AFF3: variants seen among roughly 807,000 people sequenced by gnomAD.
The protein encoded by AFF3 is AF4/FMR2 family member 3.
AFF3 carries 32 observed loss-of-function variants against 129.7 expected under a neutral mutation model. The ratio of observed to expected loss-of-function variants is 0.25; its 90% CI spans 0.19 to 0.33. The LOEUF (loss-of-function observed/expected upper bound fraction) is 0.33, where lower values mean the gene tolerates loss of function less well. Among genes scored for constraint, AFF3 ranks in the 10% least tolerant of loss-of-function variants. The probability of loss-of-function intolerance (pLI) is 1.00; values close to 1 mark genes in which losing one functional copy is unlikely to be tolerated. For missense variants in AFF3, 1,373 were observed against 1,592.0 expected (o/e 0.86, Z 2.34); for synonymous variants, 644 against 635.4 (o/e 1.01, Z -0.20).
intron 2 of AFF3, chr2:100,107,594 C>A (rs1197028472): frequency 6.2e-6 from 5 of 812,730 alleles, no homozygotes; most frequent in Non-Finnish European, 5.9e-6. Context: ...CAAGCAACAC[C>A]CCTGGGAGCT....
chr2:99,951,852 G>C (rs915085997), intron 7 of AFF3, among the ~76,000 whole-genome samples: 1 of 152,154 alleles, frequency 6.6e-6, no homozygotes, highest in Non-Finnish European at 1.5e-5. Context: ...TGCCATGTTG[G>C]CCAGGCTGGC....
intron 20 of AFF3, among the ~76,000 whole-genome samples, chr2:99,564,988 C>T (rs1675828927): frequency 6.6e-6 from 1 of 152,108 alleles, no homozygotes; most frequent in African/African-American, 2.4e-5. Context: ...CACGTCTGCT[C>T]ACAGGTCTTC....
intron 7 of AFF3, among the ~76,000 whole-genome samples, chr2:99,895,451 A>T (rs559349566): frequency 1.1e-4 from 17 of 152,236 alleles, no homozygotes; most frequent in Non-Finnish European, 2.2e-4. Flanking sequence ...GTGCAGAGAC[A>T]TTCTTGTGGA....
chr2:99,977,970 G>A (rs1679043855), intron 7 of AFF3, among the ~76,000 whole-genome samples: 1 of 152,132 alleles, frequency 6.6e-6, no homozygotes, highest in Non-Finnish European at 1.5e-5. Flanking sequence ...CTCTAAGGAG[G>A]AGAAGAGCTC....
chr2:99,873,927 T>C (rs564021704), intron 7 of AFF3, among the ~76,000 whole-genome samples: 4 of 151,698 alleles, frequency 2.6e-5, no homozygotes, highest in African/African-American at 4.8e-5. Flanking sequence ...GTAATCTCAG[T>C]ACTTTGGGAG....
chr2:99,610,181 A>T (rs2105192857), intron 13 of AFF3, among the ~76,000 whole-genome samples: 1 of 152,286 alleles, frequency 6.6e-6, no homozygotes, highest in Non-Finnish European at 1.5e-5. Flanking sequence ...GACGCGCTTG[A>T]CATAGATTCA....
intron 11 of AFF3, among the ~76,000 whole-genome samples, chr2:99,686,545 T>C (rs901108926): frequency 6.6e-6 from 1 of 152,184 alleles, no homozygotes; most frequent in Non-Finnish European, 1.5e-5. Context: ...CCATATTGCA[T>C]ATTGAAGAGT....
rs72817050 is a variant in AFF3 at position 99,655,083 on chromosome 2, A to G, written c.1144-5417T>C. Among the ~76,000 whole-genome samples, 1,022 of 152,254 alleles carry G rather than the reference A, an allele frequency of 6.7e-3. 2 individuals are homozygous for G. The highest frequency in any genetic ancestry group is 0.017 in the Middle Eastern group (5 of 294). On this transcript the variant is annotated intron_variant, in intron 12 of 24. Coordinates refer to ENST00000672756, the MANE Select transcript of AFF3 (RefSeq NM_001386135.1). ...TGATAGAAACAGAACTTACGCCTGG[A>G]GAGGTTTGTAATTCAGTCTGAAGTA...
intron 10 of AFF3, among the ~76,000 whole-genome samples, chr2:99,740,849 T>C (rs1360928156): frequency 6.6e-6 from 1 of 152,254 alleles, no homozygotes; most frequent in African/African-American, 2.4e-5. Flanking sequence ...TTGGCTTTTG[T>C]TGCCATTTTG....
intron 11 of AFF3, among the ~76,000 whole-genome samples, chr2:99,673,879 C>T (rs1488969686): frequency 6.6e-6 from 1 of 152,200 alleles, no homozygotes; most frequent in Admixed American, 6.5e-5. Context: ...GGGTGAGTCG[C>T]TTCACGCACC....
At position 99,593,360 on chromosome 2, in the gene AFF3, C is replaced by A. The variant is rs1272347484; in HGVS notation, c.2301G>T (p.Trp767Cys). Residue 767 changes from tryptophan to cysteine, a missense_variant, in exon 15 of 25, where the codon TGG (tryptophan) becomes TGT (cysteine). Physicochemically the swap from Trp to Cys is radical, Grantham distance 215 (BLOSUM62 -2). This residue lies in a region of AFF3 where 466 missense variants were observed against 505.0 expected (regional missense o/e 0.92). Coordinates refer to ENST00000672756, the MANE Select transcript of AFF3 (RefSeq NM_001386135.1). ...ACAGGAGGGTCAGGTCGATTTTGAC[C>A]CAGAGAGACCTGATCTCATCACTGT... is the stretch of plus-strand genomic sequence containing the variant. Reference protein sequence around the residue: ...LKDSDEIRSLWVKIDLTLLSR... With the variant: ...LKDSDEIRSLCVKIDLTLLSR... The A allele has an allele frequency of 6.2e-7, 1 of 1,613,948 alleles. No individual in the cohort carries two copies. Among genetic ancestry groups the A allele is most frequent in the Non-Finnish European group, 8.5e-7 (1 of 1,179,962 alleles).
chr2:99,879,356 C>T (rs1019278748), intron 7 of AFF3, among the ~76,000 whole-genome samples: 2 of 152,134 alleles, frequency 1.3e-5, no homozygotes, highest in African/African-American at 2.4e-5. Flanking sequence ...TGAACAGGGA[C>T]CATGTTTGTA....
chr2:100,030,267 T>C (rs1684386629), intron 4 of AFF3, among the ~76,000 whole-genome samples: 1 of 152,142 alleles, frequency 6.6e-6, no homozygotes, highest in African/African-American at 2.4e-5. Flanking sequence ...AATGACAGTA[T>C]TCTAGAAGTT....
At chr2:99,565,452 C>T (rs1559483114) in intron 20 of AFF3, 35 bp downstream of exon 20, 3 of 1,606,688 alleles carry the variant, frequency 1.9e-6, no homozygotes, top group Non-Finnish European at 2.6e-6. Flanking sequence ...ATTCCTCACT[C>T]CTCCCCTCAT....
chr2:99,937,073 C>A (rs1674585972), intron 7 of AFF3, among the ~76,000 whole-genome samples: 1 of 152,168 alleles, frequency 6.6e-6, no homozygotes, highest in Admixed American at 6.5e-5. Context: ...TCTGAAAATG[C>A]TGGGACTGGA....
chr2:99,927,199 G>A (rs995647429), intron 7 of AFF3, among the ~76,000 whole-genome samples: 20 of 152,166 alleles, frequency 1.3e-4, no homozygotes, highest in African/African-American at 4.8e-4. Context: ...ATTTTCCAAA[G>A]GTTTCTAAGT....
At position 99,593,644 on chromosome 2, in the gene AFF3, A is replaced by G; in HGVS notation, c.2017T>C (p.Ser673Pro). Residue 673 changes from serine to proline, a missense_variant, in exon 15 of 25, where the codon TCA (serine) becomes CCA (proline). Ser to Pro is a moderately conservative substitution (Grantham distance 74, BLOSUM62 -1). Around this residue, in one of 9 missense-constraint regions of AFF3, gnomAD observed 466 missense variants for 505.0 expected, o/e 0.92. Coordinates refer to ENST00000672756, the MANE Select transcript of AFF3 (RefSeq NM_001386135.1). ...KEFIETESSS[S>P]SSSSDSDLES... is the part of the protein sequence containing the mutation. ...AGGTCGGAGTCCGAGGAGGAGGATG[A>G]AGATGACGACTCTGTCTCAATGAAC... The G allele has an allele frequency of 6.2e-7, 1 of 1,608,716 alleles. No homozygotes were observed. Among genetic ancestry groups the G allele is most frequent in the African/African-American group, 1.3e-5 (1 of 74,850 alleles).
intron 4 of AFF3, among the ~76,000 whole-genome samples, chr2:100,072,746 AT>A (rs1208090375): frequency 6.6e-6 from 1 of 152,212 alleles, no homozygotes; most frequent in Non-Finnish European, 1.5e-5. Context: ...AATCCACCAT[AT>A]CACAAACACT....
At chr2:100,077,306 G>T (rs1314364015) in intron 4 of AFF3, among the ~76,000 whole-genome samples, 1 of 152,090 alleles carries the variant, frequency 6.6e-6, no homozygotes, top group South Asian at 2.1e-4. Context: ...CAAGGTAGTC[G>T]CTAAGGCCCT....
Sources: gnomAD v4.1 joint callset for allele counts (sites outside exome capture counted in the v4.1 genomes callset) on GRCh38, gnomAD v4.1.1 for gene constraint, gnomAD v4.1.1 regional missense constraint, MANE v1.5 for transcripts, NCBI Gene and HGNC (gene_info 2026-07-23, HGNC 2026-07-21) for gene names.